The following GRM7 variants were observed in gnomAD, a reference collection of about 807,000 sequenced individuals.
The protein encoded by GRM7 is glutamate metabotropic receptor 7, also known as metabotropic glutamate receptor 7.
A neutral mutation model predicts 84.5 loss-of-function variants in GRM7; 35 were observed. The observed-to-expected ratio is 0.41, with a 90% CI of 0.32 to 0.55. GRM7 has a LOEUF of 0.55. GRM7 is among the 20% of genes least tolerant of loss of function. The pLI is 0.19. For synonymous variants in GRM7, 487 were observed against 455.1 expected, an observed-to-expected ratio of 1.07 and a Z score of -0.89; for missense variants, 1,003 against 1,194.6, an observed-to-expected ratio of 0.84 and a Z score of 2.36.
At chr3:7,258,248 TCTTA>T (rs778617579) in intron 2 of GRM7, among the ~76,000 whole-genome samples, 11 of 152,188 alleles carry the variant, frequency 7.2e-5, no homozygotes, top group Non-Finnish European at 1.2e-4. Flanking sequence ...GTTCCCTTTT[TCTTA>T]CTTCATTTGT....
At chr3:7,087,201 T>G (rs1363250100) in intron 1 of GRM7, among the ~76,000 whole-genome samples, 1 of 152,188 alleles carries the variant, frequency 6.6e-6, no homozygotes, top group Non-Finnish European at 1.5e-5. Context: ...GTTATTATTC[T>G]TGGATTGCTA....
At chr3:7,293,623 T>C (rs971270075) in intron 2 of GRM7, among the ~76,000 whole-genome samples, 23 of 152,166 alleles carry the variant, frequency 1.5e-4, no homozygotes, top group Admixed American at 1.5e-3. Flanking sequence ...CAAACTCTGA[T>C]TAGATTTTCC....
At chr3:7,542,368 T>C (rs1035530690) in intron 7 of GRM7, among the ~76,000 whole-genome samples, 1 of 152,172 alleles carries the variant, frequency 6.6e-6, no homozygotes, top group Non-Finnish European at 1.5e-5. Context: ...AACCTGCTGC[T>C]CTCAGCCTGG....
intron 7 of GRM7, among the ~76,000 whole-genome samples, chr3:7,574,932 C>G (rs1313355569): frequency 7.1e-6 from 1 of 141,488 alleles, no homozygotes; most frequent in African/African-American, 2.5e-5. Flanking sequence ...TTCCAGACAG[C>G]CTGTCTGTCT....
intron 1 of GRM7, among the ~76,000 whole-genome samples, chr3:7,059,075 G>C (rs1431827662): frequency 6.6e-6 from 1 of 151,768 alleles, no homozygotes; most frequent in African/African-American, 2.4e-5. Flanking sequence ...ACAGGTCTTT[G>C]AATACATTTT....
chr3:6,921,432 C>T (rs892793525), intron 1 of GRM7, among the ~76,000 whole-genome samples: 6 of 152,136 alleles, frequency 3.9e-5, no homozygotes, highest in Non-Finnish European at 8.8e-5. Context: ...CGAGGGAAAG[C>T]GCAGCCAACA....
At chr3:7,162,728 C>CTTTTTTTTTTTTTT (rs1559478421) in intron 2 of GRM7, among the ~76,000 whole-genome samples, 1 of 57,102 alleles carries the variant, frequency 1.8e-5, no homozygotes, top group Admixed American at 2.3e-4. Flanking sequence ...TCCCATTTTT[C>CTTTTTTTTTTTTTT]ATTTTTTTTT....
intron 9 of GRM7, among the ~76,000 whole-genome samples, chr3:7,712,725 G>T (rs1559501522): frequency 1.3e-5 from 2 of 151,964 alleles, no homozygotes; most frequent in Non-Finnish European, 2.9e-5. Context: ...GTATAATCCT[G>T]GCCTATGTTA....
At chr3:7,731,369 C>G (rs951044348) in intron 9 of GRM7, among the ~76,000 whole-genome samples, 1 of 152,294 alleles carries the variant, frequency 6.6e-6, no homozygotes, top group Non-Finnish European at 1.5e-5. Flanking sequence ...CTATTCATCT[C>G]TAAGACCCTC....
At chr3:6,955,401 G>A (rs184791345) in intron 1 of GRM7, among the ~76,000 whole-genome samples, 70 of 152,192 alleles carry the variant, frequency 4.6e-4, no homozygotes, top group Admixed American at 1.8e-3. Context: ...GCTGGGCATG[G>A]TGGTGGGAGC....
rs181324220 is a variant in GRM7, at chr3:7,064,532, G to A, written c.520-81920G>A. Among the ~76,000 whole-genome samples the A allele has an allele frequency of 1.2e-3, 95 of 76,222 alleles. 1 individual carries two copies. The highest frequency in any genetic ancestry group is 4.5e-3 in the African/African-American group (73 of 16,316). 50.0% of individuals were successfully genotyped at this position (76,222 alleles called of 152,430 possible). ...TATATATATATACACACACACACAC[G>A]CATCCATCATGTATGGATATATATA... On this transcript the variant is annotated intron_variant, in intron 1 of 9. Transcript: ENST00000357716.
intron 1 of GRM7, among the ~76,000 whole-genome samples, chr3:7,090,434 T>C (rs1469284393): frequency 1.3e-5 from 2 of 151,922 alleles, no homozygotes; most frequent in African/African-American, 4.8e-5. Context: ...GAAGGAAGAG[T>C]TTCTTGCACA....
intron 2 of GRM7, among the ~76,000 whole-genome samples, chr3:7,203,306 A>G (rs1696127915): frequency 1.3e-5 from 2 of 152,304 alleles, no homozygotes; most frequent in South Asian, 4.1e-4. Context: ...GAGAATATGT[A>G]GCATTTGTCT....
chr3:7,704,569 A>G (rs1458924760), intron 9 of GRM7, among the ~76,000 whole-genome samples: 1 of 152,208 alleles, frequency 6.6e-6, no homozygotes, highest in East Asian at 1.9e-4. Context: ...AATCCTATCC[A>G]AGCTTTAAGT....
At chr3:7,009,088 CCTTT>C (rs1285198880) in intron 1 of GRM7, among the ~76,000 whole-genome samples, 3 of 152,114 alleles carry the variant, frequency 2.0e-5, no homozygotes, top group East Asian at 1.9e-4. Context: ...GTCACGGAGG[CCTTT>C]CTTTATCTCA....
chr3:6,969,791 TG>T (rs1327892778), intron 1 of GRM7, among the ~76,000 whole-genome samples: 1 of 152,158 alleles, frequency 6.6e-6, no homozygotes, highest in African/African-American at 2.4e-5. Context: ...GGTGGTGGTT[TG>T]GTTAGGGGTA....
At chr3:7,573,517 T>C (rs1694809033) in intron 7 of GRM7, among the ~76,000 whole-genome samples, 1 of 152,186 alleles carries the variant, frequency 6.6e-6, no homozygotes, top group South Asian at 2.1e-4. Flanking sequence ...TTTATAACAA[T>C]TCTATCTCTT....
chr3:6,978,196 G>A (rs1051831843), intron 1 of GRM7, among the ~76,000 whole-genome samples: 3 of 152,156 alleles, frequency 2.0e-5, no homozygotes, highest in South Asian at 2.1e-4. Flanking sequence ...GAGACACAGA[G>A]AAAAGGAGAA....
chr3:7,188,092 A>T lies in GRM7; in HGVS notation c.736+41424A>T, dbSNP rs1695581134. On this transcript the variant is annotated intron_variant, in intron 2 of 9. Transcript: ENST00000357716. The surrounding 1 kb of genome is among the most constrained non-coding windows in gnomAD (Gnocchi z 4.2). ...AGAGGAGGAATGATGTGGGGTGGGT[A>T]TTGGCTATTATACTTAGCATTATAC... Among the ~76,000 whole-genome samples, 2 of 152,088 alleles carry T rather than the reference A, an allele frequency of 1.3e-5. No individual in the cohort carries two copies. The highest frequency in any genetic ancestry group is 2.9e-5 in the Non-Finnish European group (2 of 68,014).
Sources: gnomAD v4.1 joint callset for allele counts (sites outside exome capture counted in the v4.1 genomes callset) on GRCh38, gnomAD v4.1.1 for gene constraint, Gnocchi (gnomAD v3.1) non-coding constraint, MANE v1.5 for transcripts, NCBI Gene and HGNC (gene_info 2026-07-23, HGNC 2026-07-21) for gene names.